The following SPAG16 variants were observed in gnomAD, a reference collection of about 807,000 sequenced individuals.
SPAG16 encodes sperm-associated antigen 16 protein.
A neutral mutation model predicts 80.4 loss-of-function variants in SPAG16; 86 were observed. That is an observed-to-expected ratio of 1.07 (90% CI 0.90 to 1.28). SPAG16 has a LOEUF of 1.28. SPAG16 is among the 50% of genes most tolerant of loss of function. The probability of loss-of-function intolerance (pLI) is 0.00; values close to 1 mark genes in which losing one functional copy is unlikely to be tolerated. For synonymous variants in SPAG16, 294 were observed against 265.9 expected, an observed-to-expected ratio of 1.11 and a Z score of -1.03; for missense variants, 870 against 765.3, an observed-to-expected ratio of 1.14 and a Z score of -1.61.
intron 13 of SPAG16, 139 bp downstream of exon 13, chr2:214,014,216 A>G (rs1463541018): frequency 6.5e-6 from 7 of 1,076,634 alleles, no homozygotes; most frequent in Non-Finnish European, 9.2e-6. Flanking sequence ...GTTCATAATT[A>G]CAAGATCCTT....
intron 10 of SPAG16, among the ~76,000 whole-genome samples, chr2:213,833,505 T>A (rs1484017670): frequency 0.15 from 356 of 2,318 alleles, 87 homozygotes; most frequent in Non-Finnish European, 0.22. Flanking sequence ...ATATATATAT[T>A]ATATATAATA....
intron 8 of SPAG16, among the ~76,000 whole-genome samples, chr2:213,372,479 A>G (rs1243166005): frequency 6.6e-6 from 1 of 152,102 alleles, no homozygotes; most frequent in Non-Finnish European, 1.5e-5. Flanking sequence ...TATTTCTTAT[A>G]GTTTAATTAA....
chr2:214,122,420 T>TA (rs1179422651), intron 14 of SPAG16, among the ~76,000 whole-genome samples: 3 of 151,842 alleles, frequency 2.0e-5, no homozygotes, highest in African/African-American at 7.2e-5. Flanking sequence ...ATTACCTTTT[T>TA]AAAAAACCAG....
intron 15 of SPAG16, among the ~76,000 whole-genome samples, chr2:214,236,023 C>A (rs1198036828): frequency 6.6e-6 from 1 of 152,124 alleles, no homozygotes; most frequent in Non-Finnish European, 1.5e-5. Context: ...GCATTAAATT[C>A]TTACCTCCTA....
At chr2:214,056,760 C>T (rs932565574) in intron 13 of SPAG16, among the ~76,000 whole-genome samples, 1 of 152,142 alleles carries the variant, frequency 6.6e-6, no homozygotes, top group African/African-American at 2.4e-5. Flanking sequence ...AACATTTTAC[C>T]CACAGTAGAA....
At position 213,859,178 on chromosome 2, in the gene SPAG16, C is replaced by CAAAAAAAAAA. The variant is rs1165853142; in HGVS notation, c.1071-3278_1071-3269dup. On this transcript the variant is annotated intron_variant, in intron 10 of 15. Coordinates refer to ENST00000331683, the MANE Select transcript of SPAG16 (RefSeq NM_024532.5). ...TGGGCAACAGAGCGACACTCCGTCTCAAAAAAAAAAAAAAAAAAAAAAAAA... is the reference window on the plus strand; with the variant it reads ...TGGGCAACAGAGCGACACTCCGTCTCAAAAAAAAAAAAAAAAAAAAAAAAAAAAAAAAAAA... 9.3e-3 allele frequency among the ~76,000 whole-genome samples: 87 copies of CAAAAAAAAAA among 9,376 alleles called. 35 individuals carry two copies. Among genetic ancestry groups the CAAAAAAAAAA allele is most frequent in the Non-Finnish European group, 0.012 (69 of 5,528 alleles). 6.2% of individuals were successfully genotyped at this position (9,376 alleles called of 152,430 possible).
At chr2:213,939,174 T>G (rs1011378453) in intron 12 of SPAG16, among the ~76,000 whole-genome samples, 2 of 152,192 alleles carry the variant, frequency 1.3e-5, no homozygotes, top group African/African-American at 4.8e-5. Flanking sequence ...ATTTGACAAC[T>G]AATTACTAAA....
chr2:214,256,899 A>C (rs975647517), intron 15 of SPAG16, among the ~76,000 whole-genome samples: 3 of 151,880 alleles, frequency 2.0e-5, no homozygotes, highest in Non-Finnish European at 4.4e-5. Context: ...TACCTATTCA[A>C]AGTTTTTATT....
intron 12 of SPAG16, among the ~76,000 whole-genome samples, chr2:214,012,887 C>T (rs1242739242): frequency 2.6e-5 from 4 of 152,150 alleles, no homozygotes; most frequent in Non-Finnish European, 1.5e-5. Flanking sequence ...TAACATGTAT[C>T]AGAATCACTT....
At chr2:213,418,292 C>T (rs1439350062) in intron 9 of SPAG16, among the ~76,000 whole-genome samples, 1 of 152,154 alleles carries the variant, frequency 6.6e-6, no homozygotes, top group Non-Finnish European at 1.5e-5. Flanking sequence ...CACATGTACA[C>T]TTCTACCCAC....
At chr2:214,172,139 C>G (rs1413324993) in intron 15 of SPAG16, among the ~76,000 whole-genome samples, 2 of 151,502 alleles carry the variant, frequency 1.3e-5, no homozygotes, top group African/African-American at 2.4e-5. Context: ...TACATGTGCA[C>G]AATGTGCAGG....
intron 15 of SPAG16, among the ~76,000 whole-genome samples, chr2:214,403,558 C>G (rs1229166623): frequency 1.3e-5 from 2 of 151,988 alleles, no homozygotes; most frequent in African/African-American, 2.4e-5. Context: ...TTCACATGCT[C>G]AATAGCTACA....
chr2:213,546,215 T>C (rs2076607659), intron 10 of SPAG16, among the ~76,000 whole-genome samples: 1 of 152,182 alleles, frequency 6.6e-6, no homozygotes, highest in Non-Finnish European at 1.5e-5. Context: ...TATCCCTCTC[T>C]GTAAACACTT....
chr2:213,785,246 G>A (rs1473901009), intron 10 of SPAG16, among the ~76,000 whole-genome samples: 5 of 151,890 alleles, frequency 3.3e-5, no homozygotes, highest in East Asian at 1.9e-4. Flanking sequence ...TTCATAAGAC[G>A]CACTGAGAAT....
intron 10 of SPAG16, among the ~76,000 whole-genome samples, chr2:213,790,014 T>C (rs2070590450): frequency 6.6e-6 from 1 of 151,920 alleles, no homozygotes; most frequent in African/African-American, 2.4e-5. Context: ...AAAAATGATC[T>C]CTCATCTTTT....
chr2:213,720,163 A>C (rs2066449102), intron 10 of SPAG16, among the ~76,000 whole-genome samples: 1 of 152,128 alleles, frequency 6.6e-6, no homozygotes, highest in African/African-American at 2.4e-5. Context: ...ACGGAGGGGA[A>C]CATCACACAC....
intron 15 of SPAG16, among the ~76,000 whole-genome samples, chr2:214,236,099 C>T (rs780231689): frequency 3.3e-5 from 5 of 152,138 alleles, no homozygotes; most frequent in Non-Finnish European, 7.3e-5. Flanking sequence ...CTAGGGCCTA[C>T]CCATCTGCCA....
At chr2:213,764,804 C>T (rs115414585) in intron 10 of SPAG16, among the ~76,000 whole-genome samples, 207 of 152,106 alleles carry the variant, frequency 1.4e-3, no homozygotes, top group African/African-American at 4.7e-3. Flanking sequence ...GTAATATATT[C>T]AATATTATAA....
chr2:214,395,810 G>A (rs930684817), intron 15 of SPAG16, among the ~76,000 whole-genome samples: 4 of 151,952 alleles, frequency 2.6e-5, no homozygotes, highest in Non-Finnish European at 5.9e-5. Context: ...GTGTTAGTTT[G>A]CTTAAGATAA....
Sources: gnomAD v4.1 joint callset for allele counts (sites outside exome capture counted in the v4.1 genomes callset) on GRCh38, gnomAD v4.1.1 for gene constraint, MANE v1.5 for transcripts, NCBI Gene and HGNC (gene_info 2026-07-23, HGNC 2026-07-21) for gene names.